CMC2: variants seen among roughly 807,000 people sequenced by gnomAD.
The protein encoded by CMC2 is C-X9-C motif containing 2.
CMC2 carries 5 observed loss-of-function variants against 7.5 expected under a neutral mutation model. That is an observed-to-expected ratio of 0.66 (90% CI 0.35 to 1.40). The LOEUF is 1.40. CMC2 is among the 40% of genes most tolerant of loss of function. The pLI, the probability that CMC2 is intolerant of heterozygous loss-of-function variation, is 0.04. For synonymous variants in CMC2, 37 were observed against 31.4 expected (o/e 1.18, Z -0.60); for missense variants, 115 against 92.3 (o/e 1.25, Z -1.01).
At chr16:80,981,778 C>T in intron 3 of CMC2, 28 bp downstream of exon 3, 1 of 1,444,752 alleles carries the variant, frequency 6.9e-7, no homozygotes, top group Non-Finnish European at 9.7e-7. Context: ...ATTGTTCAAC[C>T]ATATCCATCC....
rs751993831 is a variant in CMC2, at chr16:80,976,223, T to C, written c.154-44A>G. 3 of 1,037,002 alleles carry C rather than the reference T, an allele frequency of 2.9e-6. No individual in the cohort carries two copies. The East Asian group carries it at 7.3e-5, about 25-fold the overall frequency. The allele number at this position is 1,037,002 out of a possible 1,614,324, so 64.2% of individuals were successfully genotyped here. On this transcript the variant is annotated intron_variant, in intron 3 of 3. Coordinates refer to ENST00000219400, the MANE Select transcript of CMC2 (RefSeq NM_020188.5). ...GGGGGAGAAAAGAAACAGCAGATTA[T>C]GTCACTATTTATAGCAGTTTACTAT...
At chr16:81,001,715 C>CA (rs1208028156) in intron 1 of CMC2, among the ~76,000 whole-genome samples, 6 of 152,050 alleles carry the variant, frequency 3.9e-5, no homozygotes, top group African/African-American at 1.5e-4. Context: ...ACTGCCCATC[C>CA]ACCTCCCACT....
intron 2 of CMC2, chr16:80,991,723 A>G (rs1968010199): frequency 3.4e-6 from 1 of 296,984 alleles, no homozygotes; most frequent in Non-Finnish European, 6.7e-6. Flanking sequence ...ATTATGTTGT[A>G]GTATGCAGCC....
chr16:80,982,539 A>AAAAAAT (rs1967204144), intron 2 of CMC2: 7 of 150,072 alleles, frequency 4.7e-5, no homozygotes, highest in Admixed American at 6.7e-5. Context: ...AAAAAAAAAA[A>AAAAAAT]GTGAATACTA....
In CMC2 at chr16:80,974,237, A is replaced by C. The variant is rs2151607925; in HGVS notation, c.*1856T>G. The C allele has an allele frequency of 6.6e-6, 1 of 152,344 alleles. No individual in the cohort carries two copies. Among genetic ancestry groups the C allele is most frequent in the South Asian group, 2.1e-4 (1 of 4,828 alleles). 9.4% of individuals were successfully genotyped at this position (152,344 alleles called of 1,614,324 possible). A position where few individuals can be genotyped will look rare whatever the true frequency, so the allele number is the denominator to read the frequency against. ...GTCACTCCTCCTAATCCCCAAAGCC[A>C]CATCTTTCATCCAGGCCCTCATTTC... On this transcript the variant is annotated 3_prime_UTR_variant, in exon 4 of 4. Coordinates refer to ENST00000219400, the MANE Select transcript of CMC2 (RefSeq NM_020188.5).
At chr16:80,988,596 C>T (rs1447798458) in intron 2 of CMC2, 6 of 631,334 alleles carry the variant, frequency 9.5e-6, no homozygotes, top group Non-Finnish European at 1.7e-5. Context: ...ATGCACGTTT[C>T]CTAAAAAAAA....
chr16:80,992,932 T>A (rs1391860232), intron 2 of CMC2, among the ~76,000 whole-genome samples: 1 of 152,132 alleles, frequency 6.6e-6, no homozygotes, highest in Non-Finnish European at 1.5e-5. Context: ...CCTCAAACGA[T>A]CCTTTATCAA....
In CMC2 at chr16:80,972,203, T is replaced by G. The variant is rs900528409; in HGVS notation, c.*3890A>C. 3 of 152,196 alleles carry G rather than the reference T, an allele frequency of 2.0e-5. No individual in the cohort carries two copies. Among genetic ancestry groups the G allele is most frequent in the African/African-American group, 4.8e-5 (2 of 41,450 alleles). The allele number at this position is 152,196 out of a possible 1,614,324, so 9.4% of individuals were successfully genotyped here. ...TATGTACTTATCTCCTTCAGTGACC[T>G]CTCTAGAGGAGGCAGGGATGTCTAT... is the stretch of plus-strand genomic sequence containing the variant. On this transcript the variant is annotated 3_prime_UTR_variant, in exon 4 of 4. Coordinates refer to ENST00000219400, the MANE Select transcript of CMC2 (RefSeq NM_020188.5).
chr16:80,998,393 T>C (rs975163088), intron 1 of CMC2: 4 of 151,628 alleles, frequency 2.6e-5, no homozygotes, highest in Admixed American at 2.6e-4. Context: ...CTAAAGAGGA[T>C]GTGGAGAAAC....
chr16:80,984,554 A>T (rs2549825), intron 2 of CMC2, among the ~76,000 whole-genome samples: 117,177 of 152,094 alleles, frequency 0.77, 45,609 homozygotes, highest in South Asian at 0.93. Context: ...TTTTTTAATT[A>T]AAAAAACTTT....
chr16:80,992,704 C>CTT (rs1567523554), intron 2 of CMC2, among the ~76,000 whole-genome samples: 1 of 127,448 alleles, frequency 7.8e-6, no homozygotes, highest in African/African-American at 3.4e-5. Context: ...TATTCCCCCT[C>CTT]CTTTTTTTTT....
chr16:80,976,222 A>G (rs764486190), intron 3 of CMC2, 43 bp from the exon 4 acceptor site: 1 of 1,048,310 alleles, frequency 9.5e-7, no homozygotes, highest in East Asian at 2.4e-5. Context: ...ACAGCAGATT[A>G]TGTCACTATT....
intron 2 of CMC2, chr16:80,988,739 A>G (rs1221850306): frequency 1.9e-6 from 1 of 534,990 alleles, no homozygotes; most frequent in Non-Finnish European, 3.3e-6. Flanking sequence ...AAAGGCAAAA[A>G]AAGTTGGGTG....
In CMC2 at chr16:80,978,867, C is replaced by G. The variant is rs993563035; in HGVS notation, c.154-2688G>C. Among the ~76,000 whole-genome samples, 13 of 152,142 alleles carry G rather than the reference C, an allele frequency of 8.5e-5. No homozygotes were observed. In the East Asian group the frequency reaches 9.7e-4, roughly 11 times the overall value. On this transcript the variant is annotated intron_variant, in intron 3 of 3. Coordinates refer to ENST00000219400, the MANE Select transcript of CMC2 (RefSeq NM_020188.5). ...GAGGCCAAGGCGGGCGGATAACAAG[C>G]TCAGAAGATCAAGACCATCCTAGCT... is the stretch of plus-strand genomic sequence containing the variant.
rs1911951248 is a variant in CMC2, at chr16:80,971,828, A to T, written c.*4265T>A. On this transcript the variant is annotated 3_prime_UTR_variant, in exon 4 of 4. Transcript: ENST00000219400. Reference sequence around the variant, plus strand: ...CTGTATAGTTTTCTGTAAACCTGAAACATTTTGTCATAAAAAAGAATAGCA... The same window carrying T: ...CTGTATAGTTTTCTGTAAACCTGAATCATTTTGTCATAAAAAAGAATAGCA... 6.6e-6 allele frequency: 1 copy of T among 152,034 alleles called. No homozygotes were observed. The highest frequency in any genetic ancestry group is 1.5e-5 in the Non-Finnish European group (1 of 68,028). The allele number at this position is 152,034 out of a possible 1,614,324, so 9.4% of individuals were successfully genotyped here. A position where few individuals can be genotyped will look rare whatever the true frequency, so the allele number is the denominator to read the frequency against.
intron 1 of CMC2, among the ~76,000 whole-genome samples, chr16:80,999,199 G>A (rs888629281): frequency 6.6e-6 from 1 of 152,090 alleles, no homozygotes; most frequent in Non-Finnish European, 1.5e-5. Context: ...TAAAGACTCT[G>A]CCAAATGACT....
chr16:81,002,991 CT>C (rs1211316237), intron 1 of CMC2, among the ~76,000 whole-genome samples: 2 of 152,182 alleles, frequency 1.3e-5, no homozygotes, highest in Non-Finnish European at 2.9e-5. Flanking sequence ...TCACTCCCTT[CT>C]TTCTTCTACC....
intron 1 of CMC2, 33 bp from the exon 2 acceptor site, chr16:80,997,462 A>C (rs1240623871): frequency 1.8e-6 from 2 of 1,108,852 alleles, no homozygotes; most frequent in Admixed American, 1.7e-5. Context: ...AATATGCATA[A>C]ACACATTTGT....
At chr16:81,000,398 A>C (rs1210771066) in intron 1 of CMC2, among the ~76,000 whole-genome samples, 1 of 152,202 alleles carries the variant, frequency 6.6e-6, no homozygotes, top group African/African-American at 2.4e-5. Context: ...CGAGAGGCTG[A>C]GGAAGGAGAA....
Sources: allele counts gnomAD v4.1 joint callset (sites outside exome capture counted in the v4.1 genomes callset), GRCh38; gene constraint gnomAD v4.1.1; transcripts MANE v1.5; gene names NCBI Gene and HGNC (gene_info 2026-07-23, HGNC 2026-07-21).